Variants in LAMA3 observed in about 807,000 individuals in gnomAD.
LAMA3 encodes the protein laminin subunit alpha-3.
Under a neutral mutation model 402.0 loss-of-function variants are expected in LAMA3, and 281 were observed. That is an observed-to-expected ratio of 0.70 (90% CI 0.63 to 0.77). The LOEUF (loss-of-function observed/expected upper bound fraction) is 0.77. LAMA3 is among the 30% of genes least tolerant of loss of function. The pLI, the probability that LAMA3 is intolerant of heterozygous loss-of-function variation, is 0.00. For synonymous variants in LAMA3, 1,431 were observed against 1,558.4 expected, an observed-to-expected ratio of 0.92 and a Z score of 1.93; for missense variants, 3,840 against 4,215.5, an observed-to-expected ratio of 0.91 and a Z score of 2.47.
rs112093905 is a variant in LAMA3 at position 23,877,588 on chromosome 18, G to A, written c.5112+1181G>A. On this transcript the variant is annotated intron_variant, in intron 39 of 74. Transcript: ENST00000313654. ...TGAGTTCCTAGACCGTATTAAGCTC[G>A]TTCACCGTGGCCCAGGGAACTGCTT... is the stretch of plus-strand genomic sequence containing the variant. Among the ~76,000 whole-genome samples the A allele has an allele frequency of 1.3e-3, 201 of 152,314 alleles. 1 individual carries two copies. The highest frequency in any genetic ancestry group is 4.3e-3 in the African/African-American group (178 of 41,576).
chr18:23,702,396 T>C (rs2060806840), intron 1 of LAMA3, among the ~76,000 whole-genome samples: 1 of 152,098 alleles, frequency 6.6e-6, no homozygotes. Context: ...AGTGATGTGA[T>C]CATGGCTCAC....
At chr18:23,883,970 A>G (rs6508003) in intron 40 of LAMA3, among the ~76,000 whole-genome samples, 24,139 of 151,848 alleles carry the variant, frequency 0.16, 4,303 homozygotes, top group African/African-American at 0.43. Flanking sequence ...TCTTACCAGC[A>G]AATGGAGTGA....
At chr18:23,941,930 C>T (rs946628769) in intron 68 of LAMA3, among the ~76,000 whole-genome samples, 6 of 152,208 alleles carry the variant, frequency 3.9e-5, no homozygotes, top group Non-Finnish European at 5.9e-5. Flanking sequence ...TCCAAACCTC[C>T]GCACTAACAC....
At chr18:23,691,207 A>G (rs952368095) in intron 1 of LAMA3, among the ~76,000 whole-genome samples, 10 of 152,182 alleles carry the variant, frequency 6.6e-5, no homozygotes, top group Non-Finnish European at 1.0e-4. Context: ...ATGCACTTCC[A>G]TAAATGACAA....
At chr18:23,857,213 G>A (rs1307473303) in intron 32 of LAMA3, among the ~76,000 whole-genome samples, 1 of 152,190 alleles carries the variant, frequency 6.6e-6, no homozygotes, top group Non-Finnish European at 1.5e-5. Context: ...CTGCAGCCTT[G>A]CATGCACAGG....
In LAMA3 at chr18:23,736,724, A is replaced by C. The variant is rs369928127; in HGVS notation, c.448-11219A>C. 8.1e-4 allele frequency among the ~76,000 whole-genome samples: 123 copies of C among 152,276 alleles called. 3 individuals are homozygous for C. In the South Asian group the frequency reaches 0.024, roughly 30 times the overall value. On this transcript the variant is annotated intron_variant, in intron 2 of 74. Transcript: ENST00000313654. ...CCTCTCTGTGTAGTATTTGGGTTAC[A>C]GGGAGCACAGAAGGCTCCCAGGATT...
intron 1 of LAMA3, among the ~76,000 whole-genome samples, chr18:23,697,647 T>C (rs1353155788): frequency 6.6e-6 from 1 of 152,018 alleles, no homozygotes; most frequent in Non-Finnish European, 1.5e-5. Flanking sequence ...GATTTTGGAT[T>C]TTTGGATTAG....
intron 32 of LAMA3, among the ~76,000 whole-genome samples, chr18:23,854,873 T>A (rs1015370617): frequency 4.0e-5 from 6 of 150,850 alleles, no homozygotes; most frequent in Non-Finnish European, 8.8e-5. Context: ...TAGTCCCAGC[T>A]ACTCGGGAGG....
intron 37 of LAMA3, among the ~76,000 whole-genome samples, chr18:23,868,328 A>G (rs1224841747): frequency 6.6e-6 from 1 of 152,206 alleles, no homozygotes; most frequent in Non-Finnish European, 1.5e-5. Context: ...TTTGATGCCC[A>G]TGTGGCTTTC....
intron 18 of LAMA3, among the ~76,000 whole-genome samples, chr18:23,816,956 A>G (rs1223303980): frequency 6.6e-6 from 1 of 151,976 alleles, no homozygotes; most frequent in Non-Finnish European, 1.5e-5. Flanking sequence ...CAATAAGAGA[A>G]GGCATAAGAG....
intron 38 of LAMA3, among the ~76,000 whole-genome samples, 160 bp from the exon 39 acceptor site, chr18:23,876,134 C>A (rs1204376286): frequency 6.6e-6 from 1 of 152,180 alleles, no homozygotes; most frequent in Non-Finnish European, 1.5e-5. Context: ...ACTATAAGCA[C>A]ACCTGTGAAT....
chr18:23,896,354 CA>C (rs2080872486), intron 44 of LAMA3, among the ~76,000 whole-genome samples: 1 of 152,006 alleles, frequency 6.6e-6, no homozygotes, highest in Non-Finnish European at 1.5e-5. Context: ...AAAGCAAAAA[CA>C]AAAAACAAAA....
At chr18:23,871,973 C>A (rs754231154) in intron 38 of LAMA3, among the ~76,000 whole-genome samples, 1 of 152,176 alleles carries the variant, frequency 6.6e-6, no homozygotes, top group Non-Finnish European at 1.5e-5. Flanking sequence ...CTATTCCCAA[C>A]ACAAAGAAAT....
chr18:23,864,890 AT>A lies in LAMA3; in HGVS notation c.4683+8del. 6.3e-7 allele frequency: 1 copy of A among 1,594,346 alleles called. No individual in the cohort carries two copies. ...GCCGGATGTACAGCTCACTGTAGGTATCAGAGCATGACCTAAGTGGCAGGAA... is the reference window on the plus strand; with the variant it reads ...GCCGGATGTACAGCTCACTGTAGGTACAGAGCATGACCTAAGTGGCAGGAA... On this transcript the variant is annotated splice_region_variant and intron_variant, in intron 36 of 74. Transcript: ENST00000313654.
chr18:23,834,022 A>G, intron 24 of LAMA3, 34 bp downstream of exon 24: 1 of 1,611,950 alleles, frequency 6.2e-7, no homozygotes, highest in Non-Finnish European at 8.5e-7. Context: ...TCCTCTGTAA[A>G]GGAACAATTA....
chr18:23,758,515 G>C lies in LAMA3; in HGVS notation c.1063+4G>C, dbSNP rs1458423776. 6.2e-7 allele frequency: 1 copy of C among 1,609,954 alleles called. No individual in the cohort carries two copies. Among genetic ancestry groups the C allele is most frequent in the African/African-American group, 1.3e-5 (1 of 74,150 alleles). ...GAGCAGAGCCACGAGTGTGAAGGTG[G>C]GTGTGGGGATGGGGTGGGGGCCACA... is the stretch of plus-strand genomic sequence containing the variant. On this transcript the variant is annotated splice_donor_region_variant and intron_variant, in intron 7 of 74. Coordinates refer to ENST00000313654, the MANE Select transcript of LAMA3 (RefSeq NM_198129.4).
At chr18:23,954,451 T>A in intron 74 of LAMA3, 52 bp from the exon 75 acceptor site, 1 of 1,403,160 alleles carries the variant, frequency 7.1e-7, no homozygotes, top group Non-Finnish European at 1.0e-6. Context: ...CAGGGAACAG[T>A]CCCTGGACAG....
chr18:23,771,135 C>A (rs568732343), intron 8 of LAMA3, among the ~76,000 whole-genome samples: 11 of 152,050 alleles, frequency 7.2e-5, no homozygotes, highest in Non-Finnish European at 1.5e-4. Context: ...TGCAAATACC[C>A]CCAACTAGAA....
chr18:23,827,163 T>C, intron 22 of LAMA3, 151 bp from the exon 23 acceptor site: 1 of 906,992 alleles, frequency 1.1e-6, no homozygotes. Context: ...ATTGCTTAAT[T>C]CTTGTAGCAG....
Sources: allele counts gnomAD v4.1 joint callset (sites outside exome capture counted in the v4.1 genomes callset), GRCh38; gene constraint gnomAD v4.1.1; transcripts MANE v1.5; gene names NCBI Gene and HGNC (gene_info 2026-07-23, HGNC 2026-07-21).